ZNF532: variants seen among roughly 807,000 people sequenced by gnomAD.
The protein encoded by ZNF532 is zinc finger protein 532.
ZNF532 carries 22 observed loss-of-function variants against 89.3 expected under a neutral mutation model. The ratio of observed to expected loss-of-function variants is 0.25; its 90% CI spans 0.18 to 0.35. The LOEUF is 0.35. Among genes scored for constraint, ZNF532 ranks in the 10% least tolerant of loss-of-function variants. The pLI is 1.00. For synonymous variants in ZNF532, 606 were observed against 649.6 expected (o/e 0.93, Z 1.02); for missense variants, 1,132 against 1,643.4 (o/e 0.69, Z 5.38).
chr18:58,953,309 C>T, intron 6 of ZNF532: 1 of 472,560 alleles, frequency 2.1e-6, no homozygotes, highest in Non-Finnish European at 3.7e-6. Context: ...CTTTAAAAAG[C>T]ATTTGGAAAG....
chr18:58,982,840 C>T (rs577688399), intron 9 of ZNF532, among the ~76,000 whole-genome samples: 20 of 152,156 alleles, frequency 1.3e-4, no homozygotes, highest in African/African-American at 3.6e-4. Flanking sequence ...GAAGCCAAGG[C>T]GTGGTGGCTC....
chr18:58,920,763 TG>T, intron 3 of ZNF532, 130 bp downstream of exon 3: 1 of 644,674 alleles, frequency 1.6e-6, no homozygotes, highest in Non-Finnish European at 2.6e-6. Context: ...TGTGTGTGTG[TG>T]TGTGTGTGTG....
intron 2 of ZNF532, among the ~76,000 whole-genome samples, chr18:58,885,264 C>T (rs529973762): frequency 1.3e-5 from 2 of 152,302 alleles, no homozygotes; most frequent in African/African-American, 2.4e-5. Flanking sequence ...GCTGGAATTA[C>T]AGGCATGAGC....
chr18:58,973,169 C>T (rs1358303448), intron 7 of ZNF532, among the ~76,000 whole-genome samples: 1 of 152,254 alleles, frequency 6.6e-6, no homozygotes, highest in Non-Finnish European at 1.5e-5. Context: ...GTGGCACTAT[C>T]TCTGCTCACT....
chr18:58,905,403 C>CTTTTT (rs11376624), intron 2 of ZNF532, among the ~76,000 whole-genome samples: 1 of 139,334 alleles, frequency 7.2e-6, no homozygotes, highest in African/African-American at 2.7e-5. Flanking sequence ...TTTTTTCTTT[C>CTTTTT]TTTTTTTTTT....
intron 2 of ZNF532, among the ~76,000 whole-genome samples, chr18:58,899,438 ATT>A (rs1379846809): frequency 6.6e-6 from 1 of 151,882 alleles, no homozygotes; most frequent in Non-Finnish European, 1.5e-5. Context: ...TCCTCTCTGC[ATT>A]TCCTCTTTCT....
chr18:58,982,775 G>C (rs1014575720), intron 9 of ZNF532, among the ~76,000 whole-genome samples: 13 of 152,022 alleles, frequency 8.6e-5, no homozygotes, highest in African/African-American at 3.1e-4. Flanking sequence ...AGACTGATGT[G>C]GCATTAAAAT....
rs1452827749 is a variant in ZNF532, at chr18:58,918,454, C to T, written c.167C>T (p.Ser56Phe). ...GAGGATGACTCCCACGCACCATCAT[C>T]TTCTGATGTGGGTGTCAGCGTTATC... ...HGEDDSHAPS[S>F]SDVGVSVIVK... The change falls in exon 3 of 10, where the codon TCT becomes TTT. Residue 56 changes from serine to phenylalanine, a missense_variant. Ser to Phe is a radical substitution (Grantham distance 155). This residue lies in a region of ZNF532 where 302 missense variants were observed against 319.8 expected (regional missense o/e 0.94). Transcript: ENST00000591808. The T allele has an allele frequency of 9.3e-6, 15 of 1,614,056 alleles. No homozygotes were observed. Among genetic ancestry groups the T allele is most frequent in the African/African-American group, 1.3e-5 (1 of 74,920 alleles).
intron 2 of ZNF532, among the ~76,000 whole-genome samples, chr18:58,867,249 C>T (rs577125158): frequency 6.6e-6 from 1 of 152,134 alleles, no homozygotes. Flanking sequence ...CTTCGTAGGG[C>T]ATTGCATGTC....
At chr18:58,894,595 G>T (rs952142617) in intron 2 of ZNF532, among the ~76,000 whole-genome samples, 6 of 151,932 alleles carry the variant, frequency 3.9e-5, no homozygotes, top group African/African-American at 1.5e-4. Context: ...GTATTAATTT[G>T]CTAGGCTTTA....
intron 2 of ZNF532, among the ~76,000 whole-genome samples, chr18:58,884,538 G>A (rs534043395): frequency 1.3e-4 from 20 of 152,346 alleles, no homozygotes; most frequent in African/African-American, 4.8e-4. Context: ...TTGCTTTGAA[G>A]TTATTCTTTT....
intron 3 of ZNF532, among the ~76,000 whole-genome samples, chr18:58,924,890 C>T (rs569212978): frequency 6.6e-6 from 1 of 152,126 alleles, no homozygotes; most frequent in Non-Finnish European, 1.5e-5. Context: ...GTGTATAACT[C>T]CTTAGGATTG....
chr18:58,923,262 C>T (rs2061265151), intron 3 of ZNF532, among the ~76,000 whole-genome samples: 2 of 151,602 alleles, frequency 1.3e-5, no homozygotes, highest in South Asian at 4.2e-4. Context: ...ACTGCAGGAC[C>T]AGCAGTGTGA....
At chr18:58,872,290 G>C (rs1250802618) in intron 2 of ZNF532, among the ~76,000 whole-genome samples, 1 of 152,218 alleles carries the variant, frequency 6.6e-6, no homozygotes, top group Non-Finnish European at 1.5e-5. Flanking sequence ...GAGACCTAAA[G>C]ATAAAATCAG....
intron 2 of ZNF532, among the ~76,000 whole-genome samples, chr18:58,914,396 C>G (rs1383936358): frequency 1.3e-5 from 2 of 152,114 alleles, no homozygotes; most frequent in Admixed American, 1.3e-4. Flanking sequence ...ATTAAAAGAC[C>G]ATTGGCCAGG....
intron 6 of ZNF532, among the ~76,000 whole-genome samples, chr18:58,950,184 T>C (rs1445224862): frequency 6.6e-6 from 1 of 152,200 alleles, no homozygotes; most frequent in East Asian, 1.9e-4. Flanking sequence ...AACTCATCTT[T>C]GCATCTGGAA....
At chr18:58,957,776 A>G (rs770708266) in intron 7 of ZNF532, among the ~76,000 whole-genome samples, 1 of 152,174 alleles carries the variant, frequency 6.6e-6, no homozygotes. Flanking sequence ...TTTAAGATTC[A>G]GAACTGGCCG....
At position 58,974,345 on chromosome 18, in the gene ZNF532, T is replaced by A. The variant is rs528302061; in HGVS notation, c.3151-4710T>A. Among the ~76,000 whole-genome samples, 4 of 152,160 alleles carry A rather than the reference T, an allele frequency of 2.6e-5. No individual in the cohort carries two copies. The South Asian group carries it at 8.3e-4, about 32-fold the overall frequency. On this transcript the variant is annotated intron_variant, in intron 7 of 9. Transcript: ENST00000591808. Reference sequence around the variant, plus strand: ...TACCAGTACTTTCTCCGCTTAGTAGTTATGGTTCTTTTCGTATCAGTGCAT... The same window carrying A: ...TACCAGTACTTTCTCCGCTTAGTAGATATGGTTCTTTTCGTATCAGTGCAT...
intron 7 of ZNF532, among the ~76,000 whole-genome samples, chr18:58,976,250 C>G (rs2067033205): frequency 6.6e-6 from 1 of 152,166 alleles, no homozygotes; most frequent in Non-Finnish European, 1.5e-5. Flanking sequence ...GATGCTGAAA[C>G]AGAAGGATGT....
Sources: gnomAD v4.1 joint callset for allele counts (sites outside exome capture counted in the v4.1 genomes callset) on GRCh38, gnomAD v4.1.1 for gene constraint, gnomAD v4.1.1 regional missense constraint, MANE v1.5 for transcripts, NCBI Gene and HGNC (gene_info 2026-07-23, HGNC 2026-07-21) for gene names.